HDAC9: variants seen among roughly 807,000 people sequenced by gnomAD.
HDAC9 encodes the protein MEF-2 interacting transcription repressor (MITR) protein.
HDAC9 carries 41 observed loss-of-function variants against 139.4 expected under a neutral mutation model. The observed-to-expected ratio is 0.29, with a 90% CI of 0.23 to 0.38. The LOEUF (loss-of-function observed/expected upper bound fraction) is 0.38, where lower values mean the gene tolerates loss of function less well. HDAC9 is among the 10% of genes least tolerant of loss of function. The pLI is 1.00. For synonymous variants in HDAC9, 517 were observed against 476.2 expected (o/e 1.09, Z -1.12); for missense variants, 1,147 against 1,297.0 (o/e 0.88, Z 1.78).
chr7:18,352,920 A>G (rs655828), intron 1 of HDAC9, among the ~76,000 whole-genome samples: 25,663 of 152,102 alleles, frequency 0.17, 2,431 homozygotes, highest in East Asian at 0.31. Flanking sequence ...GCAGAAGGTC[A>G]GCTCGGCGGC....
At chr7:18,801,666 C>G in intron 17 of HDAC9, among the ~76,000 whole-genome samples, 1 of 151,850 alleles carries the variant, frequency 6.6e-6, no homozygotes, top group South Asian at 2.1e-4. Flanking sequence ...AATTTGTTTT[C>G]TCAACGTTTG....
At chr7:18,644,852 A>T in intron 9 of HDAC9, 59 bp downstream of exon 9, 1 of 1,529,496 alleles carries the variant, frequency 6.5e-7, no homozygotes, top group Non-Finnish European at 8.8e-7. Context: ...TCACAGGGGA[A>T]CTCTCTTTCG....
Position 18,661,631 on chromosome 7 carries a change from A to G in HDAC9, c.1468-4582A>G, listed in dbSNP as rs187432939. On this transcript the variant is annotated intron_variant, in intron 11 of 25. Transcript: ENST00000686413. The stretch of plus-strand genomic sequence containing the variant: ...AAAAAATAAGGTTTTTAAGAATGTT[A>G]TTAAAAGATTTTCAAGTCCAGCATT... Among the ~76,000 whole-genome samples the G allele has an allele frequency of 9.9e-5, 15 of 152,238 alleles. No individual in the cohort carries two copies. In the East Asian group the frequency reaches 2.7e-3, roughly 28 times the overall value.
chr7:18,439,634 A>G (rs908795859), intron 1 of HDAC9, among the ~76,000 whole-genome samples: 11 of 152,214 alleles, frequency 7.2e-5, no homozygotes, highest in Admixed American at 2.0e-4. Context: ...TCTTATTGAC[A>G]TGGAGACCTA....
At chr7:18,249,423 AG>A (rs1794772748) in intron 2 of HDAC9, among the ~76,000 whole-genome samples, 1 of 141,354 alleles carries the variant, frequency 7.1e-6, no homozygotes, top group African/African-American at 2.7e-5. Context: ...GAATCGCTTG[AG>A]CCTGGGAAGT....
chr7:18,917,526 T>G (rs1252422783), intron 22 of HDAC9, among the ~76,000 whole-genome samples: 1 of 151,898 alleles, frequency 6.6e-6, no homozygotes, highest in Non-Finnish European at 1.5e-5. Flanking sequence ...CTGAACGTTG[T>G]GGTGGGGGCA....
chr7:18,912,580 C>A (rs1802837013), intron 22 of HDAC9, among the ~76,000 whole-genome samples: 1 of 152,144 alleles, frequency 6.6e-6, no homozygotes, highest in Non-Finnish European at 1.5e-5. Flanking sequence ...GTTGCCACAA[C>A]TTGAAGGTCC....
intron 24 of HDAC9, 157 bp downstream of exon 24, chr7:18,954,387 T>A: frequency 1.6e-6 from 1 of 608,348 alleles, no homozygotes; most frequent in East Asian, 3.0e-5. Flanking sequence ...AATGCAGCAA[T>A]CTTATCTTAC....
intron 2 of HDAC9, among the ~76,000 whole-genome samples, chr7:18,177,922 C>T (rs541494562): frequency 2.0e-5 from 3 of 152,200 alleles, no homozygotes; most frequent in African/African-American, 7.2e-5. Flanking sequence ...TTGAATATAC[C>T]TGAGCAAAAC....
intron 1 of HDAC9, among the ~76,000 whole-genome samples, chr7:18,343,482 A>G (rs1454578202): frequency 6.6e-6 from 1 of 151,868 alleles, no homozygotes; most frequent in Admixed American, 6.6e-5. Context: ...TCTACAGAAA[A>G]TGTTGCCTAG....
intron 2 of HDAC9, among the ~76,000 whole-genome samples, chr7:18,220,489 A>T (rs1338425742): frequency 6.6e-6 from 1 of 152,178 alleles, no homozygotes; most frequent in South Asian, 2.1e-4. Flanking sequence ...GCTGATGATC[A>T]TAGGTCTTGA....
chr7:18,829,868 T>C (rs887494110), intron 19 of HDAC9, among the ~76,000 whole-genome samples: 2 of 152,250 alleles, frequency 1.3e-5, no homozygotes, highest in African/African-American at 2.4e-5. Flanking sequence ...CTACAGAATA[T>C]AGACTCAATA....
chr7:18,136,653 A>G (rs1785441997), intron 1 of HDAC9, among the ~76,000 whole-genome samples: 1 of 152,100 alleles, frequency 6.6e-6, no homozygotes, highest in Non-Finnish European at 1.5e-5. Flanking sequence ...GTTGTGTTCC[A>G]TTGATCTATA....
intron 2 of HDAC9, among the ~76,000 whole-genome samples, chr7:18,283,393 T>A (rs986463830): frequency 2.6e-5 from 4 of 152,168 alleles, no homozygotes; most frequent in Non-Finnish European, 5.9e-5. Flanking sequence ...ATGTGAGGAT[T>A]ACAATTTGAG....
intron 12 of HDAC9, among the ~76,000 whole-genome samples, chr7:18,686,531 A>T (rs904122196): frequency 3.9e-5 from 6 of 151,996 alleles, no homozygotes; most frequent in South Asian, 2.1e-4. Flanking sequence ...CAACTCTTCC[A>T]TTCTTATATT....
At chr7:18,109,360 G>A (rs1783450504) in intron 1 of HDAC9, among the ~76,000 whole-genome samples, 2 of 152,212 alleles carry the variant, frequency 1.3e-5, no homozygotes, top group African/African-American at 4.8e-5. Flanking sequence ...AGGTAGGTTA[G>A]GGTAAATTCT....
chr7:18,494,771 A>G (rs927364068), upstream of HDAC9, among the ~76,000 whole-genome samples: 1 of 152,082 alleles, frequency 6.6e-6, no homozygotes, highest in Admixed American at 6.6e-5. Flanking sequence ...AGCTGAATGC[A>G]GAACAGTCAT....
At chr7:18,716,826 T>C (rs1227813458) in intron 12 of HDAC9, among the ~76,000 whole-genome samples, 3 of 152,148 alleles carry the variant, frequency 2.0e-5, no homozygotes, top group Non-Finnish European at 4.4e-5. Context: ...CACTGGTTAC[T>C]CTTGAATCCA....
chr7:18,163,178 A>G (rs1787770119), intron 2 of HDAC9, among the ~76,000 whole-genome samples: 1 of 152,146 alleles, frequency 6.6e-6, no homozygotes, highest in Non-Finnish European at 1.5e-5. Flanking sequence ...CATTCCCTGG[A>G]TTGCCACACC....
Sources: gnomAD v4.1 joint callset for allele counts (sites outside exome capture counted in the v4.1 genomes callset) on GRCh38, gnomAD v4.1.1 for gene constraint, MANE v1.5 for transcripts, NCBI Gene and HGNC (gene_info 2026-07-23, HGNC 2026-07-21) for gene names.